Variants in PCSK2 observed in about 807,000 individuals in gnomAD.
PCSK2 encodes proprotein convertase subtilisin/kexin type 2.
In PCSK2, 14 loss-of-function variants were observed where a neutral mutation model predicts 69.7. The ratio of observed to expected loss-of-function variants is 0.20; its 90% CI spans 0.13 to 0.31. The LOEUF (loss-of-function observed/expected upper bound fraction) is 0.31. Among genes scored for constraint, PCSK2 ranks in the 10% least tolerant of loss-of-function variants. The pLI is 1.00. For synonymous variants in PCSK2, 307 were observed against 320.7 expected (o/e 0.96, Z 0.46); for missense variants, 544 against 842.5 (o/e 0.65, Z 4.39).
chr20:17,395,744 C>G (rs2031496390), intron 5 of PCSK2, among the ~76,000 whole-genome samples: 1 of 152,122 alleles, frequency 6.6e-6, no homozygotes, highest in African/African-American at 2.4e-5. Flanking sequence ...ATTCATATAC[C>G]TGTCCTTTTG....
At chr20:17,432,806 C>A (rs527465756) in intron 7 of PCSK2, among the ~76,000 whole-genome samples, 1 of 152,326 alleles carries the variant, frequency 6.6e-6, no homozygotes, top group East Asian at 1.9e-4. Context: ...TTTGTGTGGT[C>A]CATAGTTACT....
intron 2 of PCSK2, among the ~76,000 whole-genome samples, chr20:17,347,326 CT>C (rs1431073987): frequency 6.6e-6 from 1 of 152,186 alleles, no homozygotes; most frequent in Non-Finnish European, 1.5e-5. Flanking sequence ...CAAGTCTTCC[CT>C]CCGCAGACCT....
Position 17,419,023 on chromosome 20 carries a change from A to G in PCSK2, c.620+9684A>G, listed in dbSNP as rs114979357. Among the ~76,000 whole-genome samples the G allele has an allele frequency of 9.9e-3, 1,505 of 152,366 alleles. 31 individuals carry two copies. Among genetic ancestry groups the G allele is most frequent in the African/African-American group, 0.033 (1,374 of 41,580 alleles). On this transcript the variant is annotated intron_variant, in intron 6 of 11. Transcript: ENST00000262545. ...GTGAAAATAGAAAATAAAATGCACT[A>G]TAGGGGACACTCAAAGAAGTAAAAT...
At chr20:17,276,121 T>A (rs1382324477) in intron 2 of PCSK2, among the ~76,000 whole-genome samples, 3 of 152,210 alleles carry the variant, frequency 2.0e-5, no homozygotes, top group African/African-American at 7.2e-5. Context: ...TGTAGTAGCA[T>A]TTTTGTTCAC....
At chr20:17,303,458 A>ATATAATATG (rs1278088667) in intron 2 of PCSK2, among the ~76,000 whole-genome samples, 1 of 55,536 alleles carries the variant, frequency 1.8e-5, no homozygotes, top group Non-Finnish European at 3.7e-5. Context: ...TATTATATTA[A>ATATAATATG]ATATAATATA....
At chr20:17,404,014 T>A (rs1006994754) in intron 5 of PCSK2, among the ~76,000 whole-genome samples, 1 of 152,158 alleles carries the variant, frequency 6.6e-6, no homozygotes, top group African/African-American at 2.4e-5. Flanking sequence ...AGAAAAGATG[T>A]CCCCTTCTGG....
chr20:17,276,480 A>ACACG, intron 2 of PCSK2, among the ~76,000 whole-genome samples: 1 of 150,314 alleles, frequency 6.7e-6, no homozygotes, highest in East Asian at 1.9e-4. Flanking sequence ...ACACACACAC[A>ACACG]TACCATGTTT....
At chr20:17,262,684 G>A (rs1434059915) in intron 2 of PCSK2, among the ~76,000 whole-genome samples, 1 of 152,050 alleles carries the variant, frequency 6.6e-6, no homozygotes, top group East Asian at 1.9e-4. Context: ...TTAAACAAAA[G>A]GGTAAATAAG....
At chr20:17,465,710 C>G (rs1026403385) in intron 11 of PCSK2, among the ~76,000 whole-genome samples, 157 bp downstream of exon 11, 1 of 152,060 alleles carries the variant, frequency 6.6e-6, no homozygotes, top group African/African-American at 2.4e-5. Flanking sequence ...ACTTTGTCAC[C>G]CAGGCTGGAG....
intron 2 of PCSK2, among the ~76,000 whole-genome samples, chr20:17,333,728 T>C (rs1990263561): frequency 6.6e-6 from 1 of 151,912 alleles, no homozygotes; most frequent in South Asian, 2.1e-4. Flanking sequence ...TTCTGCCTCA[T>C]CCACTTTCTA....
intron 1 of PCSK2, among the ~76,000 whole-genome samples, chr20:17,249,642 A>G (rs75712100): frequency 0.02 from 3,109 of 152,330 alleles, 99 homozygotes; most frequent in African/African-American, 0.071. Context: ...AATGTGGTAT[A>G]CAGGGTGGAA....
At position 17,480,469 on chromosome 20, in the gene PCSK2, G is replaced by C. The variant is rs376706475; in HGVS notation, c.1431-1115G>C. ...CTCCCAAAGTGCTGGGATTACAGGC[G>C]TGAGCCACTGCGCCCGGCCCAGCTT... On this transcript the variant is annotated intron_variant, in intron 11 of 11. Transcript: ENST00000262545. Among the ~76,000 whole-genome samples the C allele has an allele frequency of 5.3e-5, 8 of 152,262 alleles. No individual in the cohort carries two copies. The South Asian group carries it at 1.4e-3, about 28-fold the overall frequency.
intron 2 of PCSK2, among the ~76,000 whole-genome samples, chr20:17,353,232 G>A (rs6044753): frequency 0.65 from 99,195 of 151,714 alleles, 32,711 homozygotes; most frequent in Admixed American, 0.7. Flanking sequence ...GGAGGCCAAG[G>A]CGGGCGGATC....
intron 2 of PCSK2, among the ~76,000 whole-genome samples, chr20:17,347,849 A>AAAGAAAGAAAGG (rs1555789953): frequency 9.7e-6 from 1 of 103,292 alleles, no homozygotes; most frequent in Non-Finnish European, 1.9e-5. Context: ...AGAAAGAAAG[A>AAAGAAAGAAAGG]AAGAAAGAAA....
chr20:17,309,831 G>A (rs1200187915), intron 2 of PCSK2, among the ~76,000 whole-genome samples: 1 of 149,178 alleles, frequency 6.7e-6, no homozygotes, highest in Non-Finnish European at 1.5e-5. Context: ...GAGAGAAGAA[G>A]AAGAAGAAGA....
intron 2 of PCSK2, among the ~76,000 whole-genome samples, chr20:17,281,823 C>T: frequency 6.6e-6 from 1 of 152,170 alleles, no homozygotes; most frequent in East Asian, 1.9e-4. Flanking sequence ...AGTGCCCTGC[C>T]ACTCTCACCT....
At chr20:17,265,563 A>C (rs191447898) in intron 2 of PCSK2, among the ~76,000 whole-genome samples, 1 of 152,210 alleles carries the variant, frequency 6.6e-6, no homozygotes, top group Non-Finnish European at 1.5e-5. Context: ...CAAAAGGGAA[A>C]ATAGCATTTT....
At chr20:17,465,964 C>T (rs1016453702) in intron 11 of PCSK2, among the ~76,000 whole-genome samples, 5 of 152,296 alleles carry the variant, frequency 3.3e-5, no homozygotes, top group Admixed American at 2.6e-4. Flanking sequence ...CCACAATCCT[C>T]GGCCTGGATT....
chr20:17,454,718 G>A (rs73092116), intron 9 of PCSK2, among the ~76,000 whole-genome samples: 1 of 152,262 alleles, frequency 6.6e-6, no homozygotes, highest in Non-Finnish European at 1.5e-5. Flanking sequence ...TTAGTAGGTG[G>A]TTCAGTAGTC....
Sources: gnomAD v4.1 joint callset for allele counts (sites outside exome capture counted in the v4.1 genomes callset) on GRCh38, gnomAD v4.1.1 for gene constraint, MANE v1.5 for transcripts, NCBI Gene and HGNC (gene_info 2026-07-23, HGNC 2026-07-21) for gene names.